The following PAPPA2 variants were observed in gnomAD, a reference collection of about 807,000 sequenced individuals.
PAPPA2 encodes pappalysin 2.
PAPPA2 carries 86 observed loss-of-function variants against 176.4 expected under a neutral mutation model. The observed-to-expected ratio is 0.49, with a 90% CI of 0.41 to 0.58. PAPPA2 has a LOEUF of 0.58. Among genes scored for constraint, PAPPA2 ranks in the 20% least tolerant of loss-of-function variants. PAPPA2 has a pLI of 0.00. For missense variants in PAPPA2, 2,073 were observed against 2,256.9 expected (o/e 0.92, Z 1.65); for synonymous variants, 809 against 852.2 (o/e 0.95, Z 0.88).
chr1:176,707,122 T>G (rs1448618699), intron 10 of PAPPA2, among the ~76,000 whole-genome samples: 2 of 152,184 alleles, frequency 1.3e-5, no homozygotes, highest in African/African-American at 4.8e-5. Context: ...CAGATTATTT[T>G]CCATTGTCAT....
intron 3 of PAPPA2, among the ~76,000 whole-genome samples, chr1:176,646,760 A>C (rs1038805901): frequency 6.6e-6 from 1 of 151,576 alleles, no homozygotes; most frequent in African/African-American, 2.4e-5. Flanking sequence ...TTTATGGCTG[A>C]ATAGTACTCC....
chr1:176,498,261 C>T (rs925230899), intron 1 of PAPPA2, among the ~76,000 whole-genome samples: 1 of 152,084 alleles, frequency 6.6e-6, no homozygotes, highest in Non-Finnish European at 1.5e-5. Context: ...ATAGCACTCT[C>T]CTCTTCTCTG....
In PAPPA2 at chr1:176,469,045, A is replaced by G. The variant is rs533934350; in HGVS notation, c.-917+5627A>G. 7.9e-5 allele frequency among the ~76,000 whole-genome samples: 12 copies of G among 152,292 alleles called. 1 individual carries two copies. In the East Asian group the frequency reaches 2.3e-3, roughly 29 times the overall value. ...ACTTCAAGCTCTGTTGCTAACTGCC[A>G]TCCTATCCTGCCTCCAAATATTTGC... On this transcript the variant is annotated intron_variant, in intron 1 of 22. Coordinates refer to ENST00000367662, the MANE Select transcript of PAPPA2 (RefSeq NM_020318.3).
intron 6 of PAPPA2, among the ~76,000 whole-genome samples, chr1:176,693,809 T>A (rs779068326): frequency 6.6e-6 from 1 of 152,218 alleles, no homozygotes; most frequent in Non-Finnish European, 1.5e-5. Context: ...TTCCTGCAAG[T>A]GTGACCTTGT....
intron 12 of PAPPA2, among the ~76,000 whole-genome samples, chr1:176,716,105 G>T (rs1331464007): frequency 6.6e-6 from 1 of 151,474 alleles, no homozygotes; most frequent in Admixed American, 6.6e-5. Flanking sequence ...ACTGTATTTG[G>T]TTGACTATCA....
At chr1:176,770,404 A>T (rs1664171410) in intron 16 of PAPPA2, among the ~76,000 whole-genome samples, 1 of 152,190 alleles carries the variant, frequency 6.6e-6, no homozygotes, top group African/African-American at 2.4e-5. Flanking sequence ...TATAGTGTTT[A>T]AATACAGAAC....
At chr1:176,481,967 C>G (rs1207519560) in intron 1 of PAPPA2, among the ~76,000 whole-genome samples, 4 of 152,122 alleles carry the variant, frequency 2.6e-5, no homozygotes, top group Non-Finnish European at 5.9e-5. Flanking sequence ...CTGCCTCAGC[C>G]TCTCAAAGTG....
At position 176,557,159 on chromosome 1, in the gene PAPPA2, G is replaced by A; in HGVS notation, c.837G>A (p.Leu279=). Residue 279 remains leucine (L), a synonymous_variant, in exon 2 of 23, where the codon CTG becomes CTA. Transcript: ENST00000367662. ...RERLLLRPEV[L]AEIPREAFTV... is the part of the protein sequence containing the mutation. The stretch of plus-strand genomic sequence containing the variant: ...GGCTGCTGCTGCGTCCAGAAGTGCT[G>A]GCTGAGATTCCCCGGGAGGCGTTCA... The A allele has an allele frequency of 1.2e-6, 2 of 1,613,948 alleles. No homozygotes were observed. Among genetic ancestry groups the A allele is most frequent in the Non-Finnish European group, 1.7e-6 (2 of 1,179,992 alleles).
At chr1:176,533,571 T>C (rs759355312) in intron 1 of PAPPA2, among the ~76,000 whole-genome samples, 73 of 152,242 alleles carry the variant, frequency 4.8e-4, no homozygotes, top group Non-Finnish European at 8.8e-5. Flanking sequence ...GGCGTGAGGA[T>C]GTTTTGTACC....
intron 3 of PAPPA2, among the ~76,000 whole-genome samples, chr1:176,609,954 GA>G (rs1314907225): frequency 6.6e-6 from 1 of 152,054 alleles, no homozygotes; most frequent in Non-Finnish European, 1.5e-5. Flanking sequence ...GAGGAGATGT[GA>G]AAAAGGTATT....
chr1:176,675,208 G>A (rs1659227105), intron 4 of PAPPA2, among the ~76,000 whole-genome samples: 2 of 152,022 alleles, frequency 1.3e-5, no homozygotes, highest in Non-Finnish European at 2.9e-5. Context: ...GCAAAAGAAA[G>A]TTAAATATTC....
intron 3 of PAPPA2, among the ~76,000 whole-genome samples, chr1:176,632,708 T>C (rs1358457396): frequency 2.0e-5 from 3 of 152,140 alleles, no homozygotes; most frequent in Non-Finnish European, 4.4e-5. Flanking sequence ...ACAGGACAAA[T>C]GACCTGAAGG....
chr1:176,641,072 T>C (rs1657057372), intron 3 of PAPPA2, among the ~76,000 whole-genome samples: 1 of 150,230 alleles, frequency 6.7e-6, no homozygotes, highest in South Asian at 2.1e-4. Flanking sequence ...TTGAGTTCAT[T>C]GTAGATTCTG....
chr1:176,569,846 T>G (rs1427326397), intron 2 of PAPPA2, among the ~76,000 whole-genome samples: 1 of 152,224 alleles, frequency 6.6e-6, no homozygotes, highest in Admixed American at 6.5e-5. Flanking sequence ...GTTCTATTGA[T>G]GTTGAAGATG....
chr1:176,482,435 A>G (rs1289207089), intron 1 of PAPPA2, among the ~76,000 whole-genome samples: 2 of 152,206 alleles, frequency 1.3e-5, no homozygotes, highest in Non-Finnish European at 2.9e-5. Flanking sequence ...TTTTACTTCT[A>G]TAGTCGCTAA....
intron 21 of PAPPA2, among the ~76,000 whole-genome samples, chr1:176,819,621 A>T (rs1005931754): frequency 6.6e-6 from 1 of 152,234 alleles, no homozygotes; most frequent in Non-Finnish European, 1.5e-5. Flanking sequence ...TGCTACACAC[A>T]TATGGGATTA....
chr1:176,814,598 T>C (rs1666302735), intron 21 of PAPPA2, among the ~76,000 whole-genome samples: 1 of 152,202 alleles, frequency 6.6e-6, no homozygotes, highest in Admixed American at 6.5e-5. Flanking sequence ...CTGTTTTTAG[T>C]GTACAGGAAT....
intron 18 of PAPPA2, among the ~76,000 whole-genome samples, chr1:176,790,665 C>T (rs986335985): frequency 4.6e-5 from 7 of 152,080 alleles, no homozygotes; most frequent in African/African-American, 1.7e-4. Flanking sequence ...CATCCGGTTG[C>T]ACTGATGGGT....
intron 21 of PAPPA2, among the ~76,000 whole-genome samples, chr1:176,821,202 A>G (rs1193532560): frequency 1.3e-5 from 2 of 152,224 alleles, no homozygotes; most frequent in South Asian, 2.1e-4. Context: ...AGAAATTCCC[A>G]TCACAGTGTA....
Sources: allele counts gnomAD v4.1 joint callset (sites outside exome capture counted in the v4.1 genomes callset), GRCh38; gene constraint gnomAD v4.1.1; transcripts MANE v1.5; gene names NCBI Gene and HGNC (gene_info 2026-07-23, HGNC 2026-07-21).